The following LHFPL4 variants were observed in gnomAD, a reference collection of about 807,000 sequenced individuals.
The protein encoded by LHFPL4 is LHFPL tetraspan subfamily member 4 protein.
LHFPL4 carries 6 observed loss-of-function variants against 20.0 expected under a neutral mutation model. The ratio of observed to expected loss-of-function variants is 0.30; its 90% CI spans 0.16 to 0.59. The LOEUF (loss-of-function observed/expected upper bound fraction) is 0.59, where lower values mean the gene tolerates loss of function less well. Among genes scored for constraint, LHFPL4 ranks in the 20% least tolerant of loss-of-function variants. The pLI, the probability that LHFPL4 is intolerant of heterozygous loss-of-function variation, is 0.88. For missense variants in LHFPL4, 215 were observed against 331.2 expected, an observed-to-expected ratio of 0.65 and a Z score of 2.72; for synonymous variants, 129 against 143.8, an observed-to-expected ratio of 0.90 and a Z score of 0.74.
At chr3:9,530,695 C>T (rs568138933) in intron 2 of LHFPL4, among the ~76,000 whole-genome samples, 1 of 152,274 alleles carries the variant, frequency 6.6e-6, no homozygotes, top group East Asian at 1.9e-4. Flanking sequence ...TCACTTTTGG[C>T]TTATCTCAGT....
Position 9,506,217 on chromosome 3 carries a change from C to G in LHFPL4, c.407-14G>C. 1.9e-6 allele frequency: 3 copies of G among 1,589,026 alleles called. No homozygotes were observed. Among genetic ancestry groups the G allele is most frequent in the South Asian group, 1.1e-5 (1 of 90,572 alleles). ...CGAGGCACAGAGCTGAGGGGCAGAG[C>G]ACCGGGCCCACCACCACGGTCAGGA... On this transcript the variant is annotated splice_polypyrimidine_tract_variant and intron_variant, in intron 2 of 3. Transcript: ENST00000287585. This position sits in a 1 kb window ranked among gnomAD's most constrained non-coding sequence, Gnocchi z 4.5.
At chr3:9,503,443 G>A (rs1032991001) in intron 3 of LHFPL4, among the ~76,000 whole-genome samples, 1 of 152,326 alleles carries the variant, frequency 6.6e-6, no homozygotes, top group East Asian at 1.9e-4. Flanking sequence ...CGGGGTCTGA[G>A]GGACTGCATC....
intron 2 of LHFPL4, among the ~76,000 whole-genome samples, chr3:9,512,384 C>T (rs191774783): frequency 2.0e-5 from 3 of 152,210 alleles, no homozygotes; most frequent in South Asian, 4.1e-4. Flanking sequence ...ATAAGGGTGG[C>T]GTGTGAGCAG....
chr3:9,536,376 T>G (rs1397444855), intron 2 of LHFPL4, among the ~76,000 whole-genome samples: 1 of 152,150 alleles, frequency 6.6e-6, no homozygotes, highest in Non-Finnish European at 1.5e-5. Flanking sequence ...AGGTGACTCC[T>G]GTCCCATCCA....
chr3:9,526,985 A>T (rs181967665), intron 2 of LHFPL4, among the ~76,000 whole-genome samples: 73 of 152,238 alleles, frequency 4.8e-4, no homozygotes, highest in African/African-American at 1.7e-3. Context: ...TTTCATGTAC[A>T]TGTATTTCAC....
chr3:9,543,356 C>T (rs921095266), intron 2 of LHFPL4, among the ~76,000 whole-genome samples: 5 of 152,002 alleles, frequency 3.3e-5, no homozygotes, highest in African/African-American at 1.2e-4. Context: ...AAAAAATTAG[C>T]TGGGCGTGGT....
Position 9,499,674 on chromosome 3 carries a change from G to A in LHFPL4, c.*2537C>T, listed in dbSNP as rs116761159. Reference sequence around the variant, plus strand: ...AAAGGATGCGGCCTTGGCTGCCTGTGCCCCGGGCCTCCAGCCTCTGAAAGG... The same window carrying A: ...AAAGGATGCGGCCTTGGCTGCCTGTACCCCGGGCCTCCAGCCTCTGAAAGG... On this transcript the variant is annotated 3_prime_UTR_variant, in exon 4 of 4. Transcript: ENST00000287585. 2.7e-3 allele frequency: 407 copies of A among 152,736 alleles called. 4 individuals carry two copies. Among genetic ancestry groups the A allele is most frequent in the African/African-American group, 9.0e-3 (372 of 41,554 alleles). 9.5% of individuals were successfully genotyped at this position (152,736 alleles called of 1,614,324 possible). A position where few individuals can be genotyped will look rare whatever the true frequency, so the allele number is the denominator to read the frequency against.
intron 2 of LHFPL4, among the ~76,000 whole-genome samples, chr3:9,523,987 C>CCG (rs1012839402): frequency 2.2e-5 from 3 of 137,404 alleles, no homozygotes; most frequent in Non-Finnish European, 3.1e-5. Flanking sequence ...AGTATTTCCC[C>CCG]CCCCCCCAAC....
chr3:9,517,455 AT>A (rs775776950), intron 2 of LHFPL4, among the ~76,000 whole-genome samples: 1 of 151,348 alleles, frequency 6.6e-6, no homozygotes, highest in Non-Finnish European at 1.5e-5. Context: ...TAAATATTTC[AT>A]TTTGGGGGTG....
chr3:9,546,313 T>TAA, intron 2 of LHFPL4, among the ~76,000 whole-genome samples: 1 of 94,652 alleles, frequency 1.1e-5, no homozygotes, highest in Non-Finnish European at 2.1e-5. Context: ...AGACTCGGTC[T>TAA]GAAAAAAAAA....
intron 2 of LHFPL4, among the ~76,000 whole-genome samples, chr3:9,508,198 G>A (rs545013439): frequency 2.8e-4 from 42 of 152,268 alleles, no homozygotes; most frequent in African/African-American, 8.7e-4. Flanking sequence ...AGCCTCTTCC[G>A]GCTTCCAACG....
chr3:9,527,788 C>T (rs963745091), intron 2 of LHFPL4, among the ~76,000 whole-genome samples: 3 of 149,250 alleles, frequency 2.0e-5, no homozygotes, highest in African/African-American at 7.5e-5. Flanking sequence ...AATAATTGTA[C>T]AAATTAATTT....
At chr3:9,542,274 A>G (rs377566605) in intron 2 of LHFPL4, among the ~76,000 whole-genome samples, 4 of 152,194 alleles carry the variant, frequency 2.6e-5, no homozygotes, top group African/African-American at 9.6e-5. Flanking sequence ...CACCAGAGCG[A>G]GACTCTGTCT....
intron 2 of LHFPL4, among the ~76,000 whole-genome samples, chr3:9,508,807 CCCCCG>C: frequency 6.6e-6 from 1 of 152,344 alleles, no homozygotes; most frequent in African/African-American, 2.4e-5. Context: ...CCCAGTCCTT[CCCCCG>C]CCCTCGGAGT....
intron 2 of LHFPL4, among the ~76,000 whole-genome samples, chr3:9,547,206 C>G (rs1189402704): frequency 6.6e-6 from 1 of 152,140 alleles, no homozygotes; most frequent in Non-Finnish European, 1.5e-5. Flanking sequence ...CCAGGCTGGT[C>G]TCAAACTCCT....
At chr3:9,532,003 C>T (rs150982283) in intron 2 of LHFPL4, among the ~76,000 whole-genome samples, 173 of 152,166 alleles carry the variant, frequency 1.1e-3, no homozygotes, top group African/African-American at 3.7e-3. Context: ...TTTCATAATG[C>T]ATTTTATGCT....
chr3:9,521,857 G>A (rs948916525), intron 2 of LHFPL4, among the ~76,000 whole-genome samples: 5 of 151,842 alleles, frequency 3.3e-5, no homozygotes, highest in Non-Finnish European at 5.9e-5. Flanking sequence ...CTTTTAATTG[G>A]TGGATTTAGA....
chr3:9,535,654 C>G (rs1007695476), intron 2 of LHFPL4, among the ~76,000 whole-genome samples: 2 of 152,106 alleles, frequency 1.3e-5, no homozygotes, highest in Non-Finnish European at 2.9e-5. Context: ...TGTTTGTGTC[C>G]GCTGACAGTC....
intron 3 of LHFPL4, among the ~76,000 whole-genome samples, chr3:9,503,360 C>G (rs1574835485): frequency 6.6e-6 from 1 of 152,206 alleles, no homozygotes; most frequent in Admixed American, 6.5e-5. Flanking sequence ...GGCCAGATCT[C>G]AGTCTGTCTT....
Sources: gnomAD v4.1 joint callset for allele counts (sites outside exome capture counted in the v4.1 genomes callset) on GRCh38, gnomAD v4.1.1 for gene constraint, Gnocchi (gnomAD v3.1) non-coding constraint, MANE v1.5 for transcripts, NCBI Gene and HGNC (gene_info 2026-07-23, HGNC 2026-07-21) for gene names.